RILPL1: variants seen among roughly 807,000 people sequenced by gnomAD.
The protein encoded by RILPL1 is Rab interacting lysosomal protein like 1.
RILPL1 carries 33 observed loss-of-function variants against 50.3 expected under a neutral mutation model. The observed-to-expected ratio is 0.66, with a 90% confidence interval of 0.50 to 0.88. The LOEUF is 0.88. Among genes scored for constraint, RILPL1 ranks in the 40% least tolerant of loss-of-function variants. RILPL1 has a pLI of 0.00. For synonymous variants in RILPL1, 205 were observed against 228.6 expected, an observed-to-expected ratio of 0.90 and a Z score of 0.93; for missense variants, 418 against 542.5, an observed-to-expected ratio of 0.77 and a Z score of 2.28.
chr12:123,532,704 G>GGT (rs1555270611), intron 1 of RILPL1, among the ~76,000 whole-genome samples: 3 of 59,876 alleles, frequency 5.0e-5, no homozygotes, highest in Non-Finnish European at 6.6e-5. Flanking sequence ...TGGGGAGACT[G>GGT]GGGGGGGGGG....
chr12:123,512,957 T>G (rs542233491), intron 2 of RILPL1, among the ~76,000 whole-genome samples: 2 of 146,906 alleles, frequency 1.4e-5, no homozygotes, highest in African/African-American at 5.1e-5. Context: ...GAGGTCCGTG[T>G]GTGTGTGGTG....
chr12:123,488,444 C>CAAA (rs542226782), intron 4 of RILPL1, among the ~76,000 whole-genome samples: 44 of 76,918 alleles, frequency 5.7e-4, no homozygotes, highest in African/African-American at 1.6e-3. Context: ...GACCCTGTCT[C>CAAA]AAAAAAAAAA....
At chr12:123,513,102 G>A (rs1210981938) in intron 2 of RILPL1, among the ~76,000 whole-genome samples, 3 of 144,362 alleles carry the variant, frequency 2.1e-5, no homozygotes, top group African/African-American at 5.4e-5. Context: ...GTGTATGTCT[G>A]TGTGGTGGCG....
chr12:123,524,383 C>T lies in RILPL1; in HGVS notation c.310-738G>A, dbSNP rs984512151. Among the ~76,000 whole-genome samples, 6 of 152,132 alleles carry T rather than the reference C, an allele frequency of 3.9e-5. No individual in the cohort carries two copies. The East Asian group carries it at 7.7e-4, about 20-fold the overall frequency. The stretch of plus-strand genomic sequence containing the variant: ...ATTTTGGAAAACACTCTGGCAGTTT[C>T]GCAAAAACATTAACACAGAGTTACC... On this transcript the variant is annotated intron_variant, in intron 1 of 6. Transcript: ENST00000376874.
At chr12:123,516,422 TCTGCTGAGACCACGGCCCTCTGCCGGACC>T (rs1233904198) in intron 2 of RILPL1, among the ~76,000 whole-genome samples, 2 of 152,222 alleles carry the variant, frequency 1.3e-5, no homozygotes, top group African/African-American at 2.4e-5. Context: ...CCTGCCGGAC[TCTGCTGAGACCACGGCCCTCTGCCGGACC>T]CTGCTGAGAT....
chr12:123,499,260 C>T (rs939452233), intron 3 of RILPL1, among the ~76,000 whole-genome samples, 158 bp downstream of exon 3: 1 of 152,168 alleles, frequency 6.6e-6, no homozygotes, highest in Admixed American at 6.5e-5. Flanking sequence ...CTTGAAGTTT[C>T]CAGGCTGGGC....
At chr12:123,492,226 G>GAA (rs67147846) in intron 4 of RILPL1, among the ~76,000 whole-genome samples, 1 of 134,210 alleles carries the variant, frequency 7.5e-6, no homozygotes, top group African/African-American at 3.0e-5. Flanking sequence ...AAAAAAAGAA[G>GAA]AAAAAAAAAT....
At chr12:123,504,858 C>A (rs1883632791) in intron 2 of RILPL1, among the ~76,000 whole-genome samples, 1 of 152,044 alleles carries the variant, frequency 6.6e-6, no homozygotes, top group Non-Finnish European at 1.5e-5. Context: ...TCCATGATAC[C>A]AAGCTGCCTT....
chr12:123,496,296 G>T (rs1593556530), intron 4 of RILPL1, among the ~76,000 whole-genome samples: 1 of 151,610 alleles, frequency 6.6e-6, no homozygotes, highest in Admixed American at 6.6e-5. Flanking sequence ...TTACAGGTGT[G>T]AGCCACCATG....
At chr12:123,510,979 G>T (rs1453598921) in intron 2 of RILPL1, among the ~76,000 whole-genome samples, 4 of 132,618 alleles carry the variant, frequency 3.0e-5, no homozygotes, top group African/African-American at 6.1e-5. Context: ...GTGTGTGTGT[G>T]GTGTGTGTGA....
chr12:123,506,771 G>A (rs142101649), intron 2 of RILPL1, among the ~76,000 whole-genome samples: 3 of 152,308 alleles, frequency 2.0e-5, no homozygotes, highest in Non-Finnish European at 4.4e-5. Flanking sequence ...TGCTGTTCAT[G>A]TAAAGTACAT....
At chr12:123,499,219 G>A (rs1435080153) in intron 3 of RILPL1, among the ~76,000 whole-genome samples, 199 bp downstream of exon 3, 1 of 152,160 alleles carries the variant, frequency 6.6e-6, no homozygotes, top group South Asian at 2.1e-4. Context: ...ACCGGGCAGT[G>A]CCACGTTTCC....
At chr12:123,532,862 T>G (rs987718759) in intron 1 of RILPL1, among the ~76,000 whole-genome samples, 2 of 152,206 alleles carry the variant, frequency 1.3e-5, no homozygotes, top group African/African-American at 4.8e-5. Context: ...GGTCCTATTA[T>G]GATTACCATT....
chr12:123,498,738 T>C lies in RILPL1; in HGVS notation c.607A>G (p.Lys203Glu). 6.2e-7 allele frequency: 1 copy of C among 1,613,236 alleles called. No individual in the cohort carries two copies. The highest frequency in any genetic ancestry group is 8.5e-7 in the Non-Finnish European group (1 of 1,179,876). Residue 203 changes from lysine (K) to glutamate (E), a missense_variant, in exon 4 of 7, where the codon AAG (lysine) becomes GAG (glutamate). Physicochemically the swap from Lys to Glu is moderately conservative, Grantham distance 56. Transcript: ENST00000376874. This position sits in a 1 kb window ranked among gnomAD's most constrained non-coding sequence, Gnocchi z 4.3. ...ALQQQQTRLM[K>E]INHDLRHRVT... ...CGGTGCCGAAGGTCATGGTTGATCT[T>C]CATCAGCCGTGTCTGCTGCTGCTGT...
At position 123,522,700 on chromosome 12, in the gene RILPL1, C is replaced by A. The variant is rs766259120; in HGVS notation, c.460+795G>T. 3.3e-5 allele frequency among the ~76,000 whole-genome samples: 5 copies of A among 152,086 alleles called. No individual in the cohort carries two copies. The highest frequency in any genetic ancestry group is 7.4e-5 in the Non-Finnish European group (5 of 68,012). ...CCTCGACCTCCTGGGCTCAAGTGAT[C>A]CTCCCGCCTCAGCCTTCAAGTAGCT... On this transcript the variant is annotated intron_variant, in intron 2 of 6. Coordinates refer to ENST00000376874, the MANE Select transcript of RILPL1 (RefSeq NM_178314.5). This position sits in a 1 kb window ranked among gnomAD's most constrained non-coding sequence, Gnocchi z 4.0.
At chr12:123,486,502 C>A (rs571518700) in intron 4 of RILPL1, among the ~76,000 whole-genome samples, 1 of 152,176 alleles carries the variant, frequency 6.6e-6, no homozygotes, top group Non-Finnish European at 1.5e-5. Flanking sequence ...GTAAAATATA[C>A]ATCATCTAAA....
intron 2 of RILPL1, among the ~76,000 whole-genome samples, chr12:123,511,362 GGT>G (rs2139362343): frequency 6.8e-6 from 1 of 147,056 alleles, no homozygotes; most frequent in Non-Finnish European, 1.5e-5. Flanking sequence ...GTCTGTGTGT[GGT>G]GTCTGTGTGA....
chr12:123,503,377 T>C (rs948524434), intron 2 of RILPL1, among the ~76,000 whole-genome samples: 3 of 151,420 alleles, frequency 2.0e-5, no homozygotes, highest in Non-Finnish European at 4.4e-5. Context: ...TTTTTTGTAT[T>C]TTTAGTACAG....
chr12:123,494,940 C>T (rs527366559), intron 4 of RILPL1, among the ~76,000 whole-genome samples: 1 of 152,320 alleles, frequency 6.6e-6, no homozygotes, highest in East Asian at 1.9e-4. Context: ...CTCTGCCTGG[C>T]CTTTATCCTT....
Sources: gnomAD v4.1 joint callset for allele counts (sites outside exome capture counted in the v4.1 genomes callset) on GRCh38, gnomAD v4.1.1 for gene constraint, Gnocchi (gnomAD v3.1) non-coding constraint, MANE v1.5 for transcripts, NCBI Gene and HGNC (gene_info 2026-07-23, HGNC 2026-07-21) for gene names.